Variants in LRRC14 observed in about 807,000 individuals in gnomAD.
LRRC14 encodes leucine rich repeat containing 14.
A neutral mutation model predicts 25.3 loss-of-function variants in LRRC14; 16 were observed. The observed-to-expected ratio is 0.63, with a 90% CI of 0.43 to 0.96. The LOEUF is 0.96. Among genes scored for constraint, LRRC14 ranks in the 40% least tolerant of loss-of-function variants. The probability of loss-of-function intolerance (pLI) is 0.00; values close to 1 mark genes in which losing one functional copy is unlikely to be tolerated. For synonymous variants in LRRC14, 359 were observed against 295.1 expected (o/e 1.22, Z -2.22); for missense variants, 594 against 660.5 (o/e 0.90, Z 1.10).
chr8:144,523,714 T>C lies in LRRC14; in HGVS notation c.*2236T>C, dbSNP rs759705297. On this transcript the variant is annotated 3_prime_UTR_variant, in exon 4 of 4. Coordinates refer to ENST00000292524, the MANE Select transcript of LRRC14 (RefSeq NM_014665.4). Reference sequence around the variant, plus strand: ...ACAAGTGCCACTGTTTTTAGGAACCTGGGCGTCCACATAGACATCTCACCA... The same window carrying C: ...ACAAGTGCCACTGTTTTTAGGAACCCGGGCGTCCACATAGACATCTCACCA... The C allele has an allele frequency of 2.4e-6, 1 of 414,922 alleles. No individual in the cohort carries two copies. Among genetic ancestry groups the C allele is most frequent in the Non-Finnish European group, 4.2e-6 (1 of 235,630 alleles). 25.7% of individuals were successfully genotyped at this position (414,922 alleles called of 1,614,324 possible).
In LRRC14 at chr8:144,523,116, C is replaced by T. The variant is rs1451467738; in HGVS notation, c.*1638C>T. On this transcript the variant is annotated 3_prime_UTR_variant, in exon 4 of 4. Transcript: ENST00000292524. ...TGGGCCTGGGCTCGCGGCCGGCCCT[C>T]GCGAGGCTGGGGCACCTTTCTCCAG... 3 of 1,609,684 alleles carry T rather than the reference C, an allele frequency of 1.9e-6. No homozygotes were observed. Among genetic ancestry groups the T allele is most frequent in the South Asian group, 2.2e-5 (2 of 90,970 alleles).
chr8:144,524,694 A>G lies in LRRC14; in HGVS notation c.*3216A>G, dbSNP rs1313684641. On this transcript the variant is annotated 3_prime_UTR_variant, in exon 4 of 4. Coordinates refer to ENST00000292524, the MANE Select transcript of LRRC14 (RefSeq NM_014665.4). ...CAGGGCTCCCGGCTCTAGGCGGGCG[A>G]TGTTGTTGTCCTGCAGGAACAGTGT... 2 of 1,467,538 alleles carry G rather than the reference A, an allele frequency of 1.4e-6. No homozygotes were observed. The highest frequency in any genetic ancestry group is 1.5e-5 in the African/African-American group (1 of 68,090). 90.9% of individuals were successfully genotyped at this position (1,467,538 alleles called of 1,614,324 possible).
In LRRC14 at chr8:144,521,326, G is replaced by T; in HGVS notation, c.1330G>T (p.Ala444Ser). 6.2e-7 allele frequency: 1 copy of T among 1,613,074 alleles called. No individual in the cohort carries two copies. The highest frequency in any genetic ancestry group is 8.5e-7 in the Non-Finnish European group (1 of 1,180,018). Residue 444 changes from alanine (A) to serine (S), a missense_variant, in exon 4 of 4, where the codon GCC becomes TCC. Ala to Ser is a moderately conservative substitution (Grantham distance 99). Coordinates refer to ENST00000292524, the MANE Select transcript of LRRC14 (RefSeq NM_014665.4). ...CYEGLPWPPPASVLLEASINE... is the reference protein window; with the variant it reads ...CYEGLPWPPPSSVLLEASINE... ...TGAGGGCTTGCCCTGGCCGCCGCCT[G>T]CCTCTGTCCTGCTGGAGGCCTCCAT...
At position 144,522,798 on chromosome 8, in the gene LRRC14, T is replaced by C. The variant is rs1816170477; in HGVS notation, c.*1320T>C. On this transcript the variant is annotated 3_prime_UTR_variant, in exon 4 of 4. Coordinates refer to ENST00000292524, the MANE Select transcript of LRRC14 (RefSeq NM_014665.4). ...GCCAGCAGCGCGATGGCCGCCGCAATGGCCGTCTGTGTGGCCACGCCCAGG... is the reference window on the plus strand; with the variant it reads ...GCCAGCAGCGCGATGGCCGCCGCAACGGCCGTCTGTGTGGCCACGCCCAGG... 3.2e-6 allele frequency: 5 copies of C among 1,540,336 alleles called. No individual in the cohort carries two copies. In the East Asian group the frequency reaches 1.3e-4, roughly 39 times the overall value.
chr8:144,521,280 C>T lies in LRRC14; in HGVS notation c.1284C>T (p.His428=), dbSNP rs372163256. The T allele has an allele frequency of 3.2e-5, 52 of 1,613,014 alleles. No individual in the cohort carries two copies. Among genetic ancestry groups the T allele is most frequent in the Non-Finnish European group, 4.0e-5 (47 of 1,180,026 alleles). The change falls in exon 4 of 4, where the codon CAC becomes CAT. Residue 428 remains histidine, a synonymous_variant. Coordinates refer to ENST00000292524, the MANE Select transcript of LRRC14 (RefSeq NM_014665.4). ...AGGCTGAGCTGCGTACTGTGGTGCA[C>T]CCCTTCCCTGTGGACTGCTATGAGG... The part of the protein sequence containing the change: ...VAQAELRTVV[H]PFPVDCYEGL...
chr8:144,520,532 C>T lies in LRRC14; in HGVS notation c.624C>T (p.Arg208=). 2 of 1,599,816 alleles carry T rather than the reference C, an allele frequency of 1.3e-6. No homozygotes were observed. The highest frequency in any genetic ancestry group is 1.7e-6 in the Non-Finnish European group (2 of 1,179,810). The change falls in exon 3 of 4, where the codon CGC becomes CGT. Residue 208 remains arginine (R), a synonymous_variant. Transcript: ENST00000292524. ...TGCGAGCTGAGGACCTGCCCATGCG[C>T]AACACTGTGGCCCTGCTGCAGCTTC... is the stretch of plus-strand genomic sequence containing the variant. ...RDLRAEDLPM[R]NTVALLQLLD... is the part of the protein sequence containing the mutation.
chr8:144,524,635 G>T lies in LRRC14; in HGVS notation c.*3157G>T. The T allele has an allele frequency of 1.3e-6, 2 of 1,520,142 alleles. No individual in the cohort carries two copies. Among genetic ancestry groups the T allele is most frequent in the Non-Finnish European group, 8.8e-7 (1 of 1,142,144 alleles). 94.2% of individuals were successfully genotyped at this position (1,520,142 alleles called of 1,614,324 possible). ...TCCAGGGCGCGCAGGCTGTTGTTGT[G>T]CAGGTAGAGCCGGCGCAGAGCGGCG... On this transcript the variant is annotated 3_prime_UTR_variant, in exon 4 of 4. Transcript: ENST00000292524.
In LRRC14 at chr8:144,521,009, T is replaced by G; in HGVS notation, c.1013T>G (p.Leu338Arg). 1 of 1,613,098 alleles carries G rather than the reference T, an allele frequency of 6.2e-7. No homozygotes were observed. The highest frequency in any genetic ancestry group is 8.5e-7 in the Non-Finnish European group (1 of 1,180,024). Residue 338 changes from leucine to arginine, a missense_variant, in exon 4 of 4, where the codon CTC becomes CGC. Coordinates refer to ENST00000292524, the MANE Select transcript of LRRC14 (RefSeq NM_014665.4). ...GCACGGAGCCCACATGCTGCCCACCTCAAGAAGTTGGACCTGAGTGGTAAC... is the reference window on the plus strand; with the variant it reads ...GCACGGAGCCCACATGCTGCCCACCGCAAGAAGTTGGACCTGAGTGGTAAC... Reference protein sequence around the residue: ...FLARSPHAAHLKKLDLSGNDL... With the variant: ...FLARSPHAAHRKKLDLSGNDL...
Position 144,519,965 on chromosome 8 carries a change from T to C in LRRC14, c.240T>C (p.Pro80=), listed in dbSNP as rs752233460. The C allele has an allele frequency of 2.0e-5, 33 of 1,612,876 alleles. No homozygotes were observed. Among genetic ancestry groups the C allele is most frequent in the Non-Finnish European group, 2.5e-6 (3 of 1,180,006 alleles). ...HCSRALLQER[P]STESMQAVIL... ...GCCGTGCCCTCCTGCAGGAGCGGCC[T>C]AGCACTGAGAGCATGCAGGCTGTTA... Residue 80 remains proline (P), a synonymous_variant, in exon 2 of 4, where the codon CCT becomes CCC. Transcript: ENST00000292524.
intron 1 of LRRC14, chr8:144,518,963 G>A (rs779275724): frequency 2.6e-5 from 4 of 152,518 alleles, no homozygotes; most frequent in Non-Finnish European, 5.9e-5. Flanking sequence ...TGGCTCTCCA[G>A]GGAAGAGGGA....
chr8:144,523,129 C>A lies in LRRC14; in HGVS notation c.*1651C>A. ...GCGGCCGGCCCTCGCGAGGCTGGGG[C>A]ACCTTTCTCCAGGTCACCAATGGCT... On this transcript the variant is annotated 3_prime_UTR_variant, in exon 4 of 4. Coordinates refer to ENST00000292524, the MANE Select transcript of LRRC14 (RefSeq NM_014665.4). 6.2e-7 allele frequency: 1 copy of A among 1,610,310 alleles called. No individual in the cohort carries two copies. Among genetic ancestry groups the A allele is most frequent in the Non-Finnish European group, 8.5e-7 (1 of 1,179,480 alleles).
chr8:144,519,587 C>T (rs1415759561), intron 1 of LRRC14, 28 bp from the exon 2 acceptor site: 1 of 727,326 alleles, frequency 1.4e-6, no homozygotes, highest in East Asian at 2.7e-5. Context: ...TGTGCCATGG[C>T]CACTGCTAAC....
Position 144,522,872 on chromosome 8 carries a change from G to T in LRRC14, c.*1394G>T, listed in dbSNP as rs1243733837. 6.3e-6 allele frequency: 8 copies of T among 1,265,446 alleles called. No individual in the cohort carries two copies. The African/African-American group carries it at 7.8e-5, about 12-fold the overall frequency. 78.4% of individuals were successfully genotyped at this position (1,265,446 alleles called of 1,614,324 possible). Reference sequence around the variant, plus strand: ...CTCGGGCCGGGGCTCGCTGCCGGCGGGGCGGGCGGCCGGAGGCGGCGGTTG... The same window carrying T: ...CTCGGGCCGGGGCTCGCTGCCGGCGTGGCGGGCGGCCGGAGGCGGCGGTTG... On this transcript the variant is annotated 3_prime_UTR_variant, in exon 4 of 4. Coordinates refer to ENST00000292524, the MANE Select transcript of LRRC14 (RefSeq NM_014665.4).
chr8:144,521,146 G>A lies in LRRC14; in HGVS notation c.1150G>A (p.Ala384Thr). Residue 384 changes from alanine to threonine, a missense_variant, in exon 4 of 4, where the codon GCC becomes ACC. Ala to Thr is a moderately conservative substitution (Grantham distance 58). Coordinates refer to ENST00000292524, the MANE Select transcript of LRRC14 (RefSeq NM_014665.4). ...ECQLADTQLL[A>T]TLPILTQCAS... ...TCAGCTCGCAGACACCCAGCTGTTGGCCACACTACCCATCCTGACTCAGTG... is the reference window on the plus strand; with the variant it reads ...TCAGCTCGCAGACACCCAGCTGTTGACCACACTACCCATCCTGACTCAGTG... 1 of 1,613,058 alleles carries A rather than the reference G, an allele frequency of 6.2e-7. No homozygotes were observed. The highest frequency in any genetic ancestry group is 1.1e-5 in the South Asian group (1 of 91,086).
At position 144,525,110 on chromosome 8, in the gene LRRC14, C is replaced by G. The variant is rs1164249973; in HGVS notation, c.*3632C>G. 5.0e-6 allele frequency: 5 copies of G among 1,002,114 alleles called. No individual in the cohort carries two copies. Among genetic ancestry groups the G allele is most frequent in the Non-Finnish European group, 6.7e-6 (5 of 750,752 alleles). 62.1% of individuals were successfully genotyped at this position (1,002,114 alleles called of 1,614,324 possible). On this transcript the variant is annotated 3_prime_UTR_variant, in exon 4 of 4. Transcript: ENST00000292524. ...ATGGAATGGAGGCCTGCACCTGCGT[C>G]TAACTTTTGACGCTATAAATAGGTT...
Position 144,520,631 on chromosome 8 carries a change from C to A in LRRC14, c.723C>A (p.Ile241=). The part of the protein sequence containing the change: ...NLGLRGLSVI[I]PHVARFQHLA... Reference sequence around the variant, plus strand: ...GCCTGCGCGGCCTGTCTGTGATCATCCCACACGTGGCCCGCTTCCAGCACC... The same window carrying A: ...GCCTGCGCGGCCTGTCTGTGATCATACCACACGTGGCCCGCTTCCAGCACC... Residue 241 remains isoleucine (I), a synonymous_variant, in exon 3 of 4, where the codon ATC becomes ATA. Transcript: ENST00000292524. The A allele has an allele frequency of 6.2e-7, 1 of 1,602,020 alleles. No individual in the cohort carries two copies. The highest frequency in any genetic ancestry group is 8.5e-7 in the Non-Finnish European group (1 of 1,179,940).
Position 144,521,824 on chromosome 8 carries a change from C to T in LRRC14, c.*346C>T, listed in dbSNP as rs1436474501. The T allele has an allele frequency of 1.1e-5, 3 of 279,704 alleles. No homozygotes were observed. Among genetic ancestry groups the T allele is most frequent in the Non-Finnish European group, 1.4e-5 (2 of 146,998 alleles). 17.3% of individuals were successfully genotyped at this position (279,704 alleles called of 1,614,324 possible). A position where few individuals can be genotyped will look rare whatever the true frequency, so the allele number is the denominator to read the frequency against. ...GTTGTGAGCTGAGAGAGATGATGGCCTCTCTGGGCCTTTCCTCTCCCTTTA... is the reference window on the plus strand; with the variant it reads ...GTTGTGAGCTGAGAGAGATGATGGCTTCTCTGGGCCTTTCCTCTCCCTTTA... On this transcript the variant is annotated 3_prime_UTR_variant, in exon 4 of 4. Transcript: ENST00000292524.
rs1440267287 is a variant in LRRC14 at position 144,523,890 on chromosome 8, A to G, written c.*2412A>G. On this transcript the variant is annotated 3_prime_UTR_variant, in exon 4 of 4. Coordinates refer to ENST00000292524, the MANE Select transcript of LRRC14 (RefSeq NM_014665.4). Reference sequence around the variant, plus strand: ...GCAGAACCCTCAATTCTGTTAAGTCACCCTGTGGAGTTCCTGTCTTCTGTT... The same window carrying G: ...GCAGAACCCTCAATTCTGTTAAGTCGCCCTGTGGAGTTCCTGTCTTCTGTT... 1 of 596,096 alleles carries G rather than the reference A, an allele frequency of 1.7e-6. No individual in the cohort carries two copies. The highest frequency in any genetic ancestry group is 2.9e-6 in the Non-Finnish European group (1 of 341,406). 36.9% of individuals were successfully genotyped at this position (596,096 alleles called of 1,614,324 possible).
chr8:144,525,158 G>T lies in LRRC14; in HGVS notation c.*3680G>T. On this transcript the variant is annotated 3_prime_UTR_variant, in exon 4 of 4. Coordinates refer to ENST00000292524, the MANE Select transcript of LRRC14 (RefSeq NM_014665.4). ...GTTCAAGAAACTAATAAAACGTTCTGGTTTTCTCCTTTGACAAAAACATTT... is the reference window on the plus strand; with the variant it reads ...GTTCAAGAAACTAATAAAACGTTCTTGTTTTCTCCTTTGACAAAAACATTT... 1.7e-6 allele frequency: 1 copy of T among 576,204 alleles called. No individual in the cohort carries two copies. Among genetic ancestry groups the T allele is most frequent in the Non-Finnish European group, 2.6e-6 (1 of 379,456 alleles). The allele number at this position is 576,204 out of a possible 1,614,324, so 35.7% of individuals were successfully genotyped here. A position where few individuals can be genotyped will look rare whatever the true frequency, so the allele number is the denominator to read the frequency against.
Sources: gnomAD v4.1 joint callset for allele counts on GRCh38, gnomAD v4.1.1 for gene constraint, MANE v1.5 for transcripts, NCBI Gene and HGNC (gene_info 2026-07-23, HGNC 2026-07-21) for gene names.